Variants in RTP5 observed in about 807,000 individuals in gnomAD.
RTP5 encodes receptor-transporting protein 5.
RTP5 carries 30 observed loss-of-function variants against 23.5 expected under a neutral mutation model. The ratio of observed to expected loss-of-function variants is 1.27; its 90% CI spans 0.95 to 1.73. The LOEUF is 1.73. RTP5 is among the 40% of genes most tolerant of loss of function. RTP5 has a pLI of 0.00. For synonymous variants in RTP5, 354 were observed against 342.1 expected (o/e 1.03, Z -0.38); for missense variants, 807 against 784.2 (o/e 1.03, Z -0.35).
In RTP5 at chr2:241,869,889, C is replaced by T. The variant is rs1701283096; in HGVS notation, c.133C>T (p.Gln45Ter). The T allele has an allele frequency of 1.9e-6, 3 of 1,566,918 alleles. No individual in the cohort carries two copies. The African/African-American group carries it at 4.1e-5, about 22-fold the overall frequency. Reference protein sequence around the residue: ...VPGCLDGGGVQYLLVGLSRLQ... With the variant: ...VPGCLDGGGV ...GGGATGCCTGGACGGCGGTGGTGTC[C>T]AGTACCTGCTGGTGGGGCTCTCGAG... Residue 45 changes from glutamine to a stop codon, truncating the protein, a stop_gained, in exon 1 of 2, where the codon CAG (glutamine) becomes TAG (stop). Coordinates refer to ENST00000343216, the MANE Select transcript of RTP5 (RefSeq NM_173821.3). LOFTEE classifies it low-confidence loss of function (END_TRUNC).
rs958546388 is a variant in RTP5, at chr2:241,871,633, G to C, written c.159-81G>C. The C allele has an allele frequency of 2.7e-6, 4 of 1,458,564 alleles. No homozygotes were observed. The African/African-American group carries it at 5.7e-5, about 21-fold the overall frequency. The allele number at this position is 1,458,564 out of a possible 1,614,324, so 90.4% of individuals were successfully genotyped here. On this transcript the variant is annotated intron_variant, in intron 1 of 1. Coordinates refer to ENST00000343216, the MANE Select transcript of RTP5 (RefSeq NM_173821.3). ...CGAGGCGCTGGGGTCGGATGGGCAAGGAGGCCGCAGAGCAGAGTGCGAGGG... is the reference window on the plus strand; with the variant it reads ...CGAGGCGCTGGGGTCGGATGGGCAACGAGGCCGCAGAGCAGAGTGCGAGGG...
Position 241,869,905 on chromosome 2 carries a change from G to A in RTP5, c.149G>A (p.Gly50Glu), listed in dbSNP as rs765824980. The A allele has an allele frequency of 1.3e-6, 2 of 1,537,212 alleles. No individual in the cohort carries two copies. The highest frequency in any genetic ancestry group is 1.7e-6 in the Non-Finnish European group (2 of 1,146,308). The change falls in exon 1 of 2, where the codon GGG (glycine) becomes GAG (glutamate). Residue 50 changes from glycine (G) to glutamate (E), a missense_variant. Coordinates refer to ENST00000343216, the MANE Select transcript of RTP5 (RefSeq NM_173821.3). The stretch of plus-strand genomic sequence containing the variant: ...GGTGGTGTCCAGTACCTGCTGGTGG[G>A]GCTCTCGAGGTGCGGCCAGAGGTTG... ...DGGGVQYLLV[G>E]LSRLQCGHCP...
At chr2:241,870,467 C>G (rs1701297344) in intron 1 of RTP5, among the ~76,000 whole-genome samples, 1 of 152,270 alleles carries the variant, frequency 6.6e-6, no homozygotes, top group Admixed American at 6.5e-5. Context: ...CGGGTGCCAG[C>G]TGGGAGGGGC....
chr2:241,872,904 C>T lies in RTP5; in HGVS notation c.1349C>T (p.Thr450Ile). ...AAAGAGAAGGAAGGTGGCCTGGTCACCGCGGGTCACGACGCCCCTCTGGAG... is the reference window on the plus strand; with the variant it reads ...AAAGAGAAGGAAGGTGGCCTGGTCATCGCGGGTCACGACGCCCCTCTGGAG... ...EGKEKEGGLVTAGHDAPLEAN... is the reference protein window; with the variant it reads ...EGKEKEGGLVIAGHDAPLEAN... Residue 450 changes from threonine (T) to isoleucine (I), a missense_variant, in exon 2 of 2, where the codon ACC becomes ATC. By Grantham distance (89) the Thr-to-Ile change is moderately conservative (BLOSUM62 -1). Coordinates refer to ENST00000343216, the MANE Select transcript of RTP5 (RefSeq NM_173821.3). The T allele has an allele frequency of 6.2e-7, 1 of 1,612,944 alleles. No homozygotes were observed.
rs1188812746 is a variant in RTP5, at chr2:241,871,708, C to T, written c.159-6C>T. 6.3e-7 allele frequency: 1 copy of T among 1,595,410 alleles called. No individual in the cohort carries two copies. Among genetic ancestry groups the T allele is most frequent in the African/African-American group, 1.3e-5 (1 of 74,436 alleles). On this transcript the variant is annotated splice_polypyrimidine_tract_variant and splice_region_variant and intron_variant, in intron 1 of 1. Transcript: ENST00000343216. ...GCACTCACACACACTTCTTTCCCCGCCGCAGGCTCCAGTGCGGTCACTGTC... is the reference window on the plus strand; with the variant it reads ...GCACTCACACACACTTCTTTCCCCGTCGCAGGCTCCAGTGCGGTCACTGTC...
chr2:241,871,989 A>C lies in RTP5; in HGVS notation c.434A>C (p.Glu145Ala). 9 of 1,585,514 alleles carry C rather than the reference A, an allele frequency of 5.7e-6. No individual in the cohort carries two copies. The highest frequency in any genetic ancestry group is 7.7e-6 in the Non-Finnish European group (9 of 1,164,814). Residue 145 changes from glutamate (E) to alanine (A), a missense_variant, in exon 2 of 2, where the codon GAG (glutamate) becomes GCG (alanine). Physicochemically the swap from Glu to Ala is moderately radical, Grantham distance 107. Coordinates refer to ENST00000343216, the MANE Select transcript of RTP5 (RefSeq NM_173821.3). ...AGGGAGGCCTATGAGGGCTGCTGTG[A>C]GGCCTGTGAGCTGGGGGTCTGCTTC... ...HPREAYEGCCEACELGVCFLQ... is the reference protein window; with the variant it reads ...HPREAYEGCCAACELGVCFLQ...
rs1402909372 is a variant in RTP5, at chr2:241,872,844, A to G, written c.1289A>G (p.Gln430Arg). The G allele has an allele frequency of 2.3e-5, 37 of 1,612,566 alleles. No homozygotes were observed. The highest frequency in any genetic ancestry group is 3.1e-5 in the Non-Finnish European group (37 of 1,179,978). Residue 430 changes from glutamine to arginine, a missense_variant, in exon 2 of 2, where the codon CAA (glutamine) becomes CGA (arginine). Physicochemically the swap from Gln to Arg is conservative, Grantham distance 43. Coordinates refer to ENST00000343216, the MANE Select transcript of RTP5 (RefSeq NM_173821.3). ...GCCCTCCCCTTCCCTGCTGATGTCC[A>G]AGGCAAAGATGCCTTTACTGACATC... ...SLALPFPADVQGKDAFTDITE... is the reference protein window; with the variant it reads ...SLALPFPADVRGKDAFTDITE...
rs780641410 is a variant in RTP5, at chr2:241,872,481, T to C, written c.926T>C (p.Ile309Thr). ...GGCGTGGCCCAGGGCTGGGGCCCCA[T>C]CTCCCTCAACAATGGCCTCGTCCCT... ...PVGVAQGWGPISLNNGLVPVG... is the reference protein window; with the variant it reads ...PVGVAQGWGPTSLNNGLVPVG... Residue 309 changes from isoleucine to threonine, a missense_variant, in exon 2 of 2, where the codon ATC becomes ACC. Coordinates refer to ENST00000343216, the MANE Select transcript of RTP5 (RefSeq NM_173821.3). The C allele has an allele frequency of 1.3e-6, 2 of 1,597,494 alleles. No homozygotes were observed. Among genetic ancestry groups the C allele is most frequent in the East Asian group, 2.2e-5 (1 of 44,598 alleles).
At position 241,873,298 on chromosome 2, in the gene RTP5, C is replaced by T. The variant is rs201674671; in HGVS notation, c.*24C>T. 8.7e-5 allele frequency: 135 copies of T among 1,550,802 alleles called. No homozygotes were observed. Among genetic ancestry groups the T allele is most frequent in the Non-Finnish European group, 1.0e-4 (120 of 1,151,246 alleles). ...GACGCCCCGAAGTTCAGGCAACCCT[C>T]GCCTCTGGGACCCCGCCTCGCCTCT... On this transcript the variant is annotated 3_prime_UTR_variant, in exon 2 of 2. Transcript: ENST00000343216.
At position 241,871,723 on chromosome 2, in the gene RTP5, C is replaced by G. The variant is rs766509937; in HGVS notation, c.168C>G (p.Cys56Trp). 2 of 1,604,608 alleles carry G rather than the reference C, an allele frequency of 1.2e-6. No homozygotes were observed. Among genetic ancestry groups the G allele is most frequent in the Non-Finnish European group, 1.7e-6 (2 of 1,176,240 alleles). Residue 56 changes from cysteine (C) to tryptophan (W), a missense_variant, in exon 2 of 2, where the codon TGC becomes TGG. Cys to Trp is a radical substitution (Grantham distance 215). Transcript: ENST00000343216. ...TCTTTCCCCGCCGCAGGCTCCAGTG[C>G]GGTCACTGTCCGGGGACCTGGGACT... ...YLLVGLSRLQ[C>W]GHCPGTWDSA...
At position 241,872,378 on chromosome 2, in the gene RTP5, C is replaced by T; in HGVS notation, c.823C>T (p.Leu275Phe). 1.9e-6 allele frequency: 3 copies of T among 1,612,462 alleles called. No homozygotes were observed. The highest frequency in any genetic ancestry group is 2.5e-6 in the Non-Finnish European group (3 of 1,179,882). Residue 275 changes from leucine (L) to phenylalanine (F), a missense_variant, in exon 2 of 2, where the codon CTC becomes TTC. Coordinates refer to ENST00000343216, the MANE Select transcript of RTP5 (RefSeq NM_173821.3). ...IGDPLFHGPG[L>F]LGSSIQTFEL... ...AGACCCCCTCTTCCACGGCCCCGGC[C>T]TCCTCGGCAGCAGCATCCAGACCTT...
intron 1 of RTP5, chr2:241,871,015 T>C (rs766099889): frequency 1.4e-4 from 64 of 470,984 alleles, no homozygotes; most frequent in Non-Finnish European, 2.1e-4. Flanking sequence ...CACAGCTGCT[T>C]GTGTGGCTAG....
In RTP5 at chr2:241,872,881, A is replaced by G. The variant is rs768753351; in HGVS notation, c.1326A>G (p.Lys442=). ...KDAFTDITEG[K]EKEGGLVTAG... ...CCTTTACTGACATCACTGAAGGCAA[A>G]GAGAAGGAAGGTGGCCTGGTCACCG... Residue 442 remains lysine (K), a synonymous_variant, in exon 2 of 2, where the codon AAA becomes AAG. Coordinates refer to ENST00000343216, the MANE Select transcript of RTP5 (RefSeq NM_173821.3). 3.7e-6 allele frequency: 6 copies of G among 1,612,856 alleles called. No individual in the cohort carries two copies. The South Asian group carries it at 5.5e-5, about 15-fold the overall frequency.
At position 241,873,155 on chromosome 2, in the gene RTP5, C is replaced by T. The variant is rs779985944; in HGVS notation, c.1600C>T (p.Arg534Cys). ...EEDERPGRAC[R>C]RPHAEPYEDF... Reference sequence around the variant, plus strand: ...AGACGAGCGCCCTGGCCGTGCCTGCCGTAGGCCGCACGCCGAGCCCTACGA... The same window carrying T: ...AGACGAGCGCCCTGGCCGTGCCTGCTGTAGGCCGCACGCCGAGCCCTACGA... The change falls in exon 2 of 2, where the codon CGT becomes TGT. Residue 534 changes from arginine (R) to cysteine (C), a missense_variant. Physicochemically the swap from Arg to Cys is radical, Grantham distance 180 (BLOSUM62 -3). Coordinates refer to ENST00000343216, the MANE Select transcript of RTP5 (RefSeq NM_173821.3). 31 of 1,612,072 alleles carry T rather than the reference C, an allele frequency of 1.9e-5. No individual in the cohort carries two copies. Among genetic ancestry groups the T allele is most frequent in the South Asian group, 9.9e-5 (9 of 91,074 alleles).
intron 1 of RTP5, 22 bp downstream of exon 1, chr2:241,869,936 C>G: frequency 6.8e-7 from 1 of 1,474,526 alleles, no homozygotes; most frequent in Non-Finnish European, 9.0e-7. Context: ...GGTTGGGGAC[C>G]CTGGGAGAGG....
At chr2:241,871,684 C>T (rs1213089880) in intron 1 of RTP5, 30 bp from the exon 2 acceptor site, 2 of 1,561,130 alleles carry the variant, frequency 1.3e-6, no homozygotes, top group Non-Finnish European at 1.7e-6. Flanking sequence ...CTTTCTCCTG[C>T]ACTCACACAC....
intron 1 of RTP5, chr2:241,871,146 G>A (rs1172298156): frequency 2.9e-5 from 13 of 447,730 alleles, no homozygotes; most frequent in South Asian, 1.4e-4. Flanking sequence ...GCAGGCCTCC[G>A]TGACATCCTT....
chr2:241,872,698 T>C lies in RTP5; in HGVS notation c.1143T>C (p.Val381=). 1 of 1,602,144 alleles carries C rather than the reference T, an allele frequency of 6.2e-7. No homozygotes were observed. Among genetic ancestry groups the C allele is most frequent in the African/African-American group, 1.3e-5 (1 of 74,608 alleles). Residue 381 remains valine, a synonymous_variant, in exon 2 of 2, where the codon GTT becomes GTC. Coordinates refer to ENST00000343216, the MANE Select transcript of RTP5 (RefSeq NM_173821.3). ...TCTTTACTGATGTCAAGGATGCCGT[T>C]GCTGAGGTGGCTGAAGGCAACGGGA... ...PFIFTDVKDA[V]AEVAEGNGKE...
chr2:241,869,741 G>A lies in RTP5; in HGVS notation c.-16G>A, dbSNP rs749831687. 1.5e-5 allele frequency: 22 copies of A among 1,504,394 alleles called. No homozygotes were observed. Among genetic ancestry groups the A allele is most frequent in the Middle Eastern group, 2.0e-4 (1 of 5,076 alleles). The allele number at this position is 1,504,394 out of a possible 1,614,324, so 93.2% of individuals were successfully genotyped here. On this transcript the variant is annotated 5_prime_UTR_variant, in exon 1 of 2. Transcript: ENST00000343216. Reference sequence around the variant, plus strand: ...GGGCGCAGCCCTCAGCCCACACTGCGGAGCCAGGCGGCAGCATGGACCGGG... The same window carrying A: ...GGGCGCAGCCCTCAGCCCACACTGCAGAGCCAGGCGGCAGCATGGACCGGG...
Sources: gnomAD v4.1 joint callset for allele counts (sites outside exome capture counted in the v4.1 genomes callset) on GRCh38, gnomAD v4.1.1 for gene constraint, MANE v1.5 for transcripts, NCBI Gene and HGNC (gene_info 2026-07-23, HGNC 2026-07-21) for gene names.